Variants in ADGRG2 observed in about 807,000 individuals in gnomAD.
ADGRG2 encodes adhesion G protein-coupled receptor G2, also known as G protein-coupled receptor 64.
ADGRG2 carries 26 observed loss-of-function variants against 74.1 expected under a neutral mutation model. The ratio of observed to expected loss-of-function variants is 0.35; its 90% CI spans 0.26 to 0.49. The LOEUF (loss-of-function observed/expected upper bound fraction) is 0.49. Ranked by LOEUF, ADGRG2 falls within the 20% of genes least tolerant of loss-of-function variation. The pLI is 0.99. For synonymous variants in ADGRG2, 296 were observed against 295.2 expected, an observed-to-expected ratio of 1.00 and a Z score of -0.03; for missense variants, 619 against 763.1, an observed-to-expected ratio of 0.81 and a Z score of 2.22.
chrX:19,114,019 C>T (rs2062463345), intron 1 of ADGRG2, among the ~76,000 whole-genome samples: 1 of 103,685 alleles, frequency 9.6e-6, no homozygotes, highest in South Asian at 4.5e-4. Flanking sequence ...TTGCAGTGAG[C>T]CGAGATTGCA....
At chrX:19,084,319 G>A (rs1323445540) in intron 1 of ADGRG2, among the ~76,000 whole-genome samples, 2 of 109,664 alleles carry the variant, frequency 1.8e-5, no homozygotes, top group African/African-American at 6.7e-5. Context: ...GGCCTGTCGG[G>A]GAGGGGGTGG....
rs2061952511 is a variant in ADGRG2 at position 19,087,467 on chromosome X, A to T, written c.-46-4721T>A. On this transcript the variant is annotated intron_variant, in intron 1 of 28. Coordinates refer to ENST00000379869, the MANE Select transcript of ADGRG2 (RefSeq NM_001079858.3). ...GGGGAAATGGATCCAGGAAAATCTC[A>T]TCTAGGAAGTAATCATCAGGCTGCA... 3.6e-5 allele frequency among the ~76,000 whole-genome samples: 4 copies of T among 111,889 alleles called. No individual in the cohort carries two copies. In the Admixed American group the frequency reaches 3.8e-4, roughly 11 times the overall value.
chrX:19,091,538 G>A (rs1169326998), intron 1 of ADGRG2, among the ~76,000 whole-genome samples: 3 of 87,457 alleles, frequency 3.4e-5, no homozygotes, highest in Admixed American at 2.5e-4. Context: ...ACACACACAC[G>A]AAAATCTATT....
intron 3 of ADGRG2, among the ~76,000 whole-genome samples, chrX:19,056,022 T>C (rs1335494509): frequency 2.8e-5 from 3 of 109,088 alleles, no homozygotes; most frequent in Admixed American, 9.8e-5. Context: ...GTGTGAGCCA[T>C]TGCACCTGGC....
chrX:19,097,235 G>C (rs1290582886), intron 1 of ADGRG2, among the ~76,000 whole-genome samples: 1 of 113,008 alleles, frequency 8.8e-6, no homozygotes, highest in Non-Finnish European at 1.9e-5. Context: ...TCTTTGGCCA[G>C]GCGTTGTGGC....
intron 6 of ADGRG2, among the ~76,000 whole-genome samples, chrX:19,037,090 G>A (rs2060957617): frequency 8.9e-6 from 1 of 112,189 alleles, no homozygotes; most frequent in Admixed American, 9.5e-5. Context: ...AACACACTGT[G>A]CCTCCAAATC....
chrX:19,006,754 T>A (rs2060241184), intron 20 of ADGRG2, among the ~76,000 whole-genome samples: 1 of 67,350 alleles, frequency 1.5e-5, no homozygotes. Context: ...AGGTGGTCAA[T>A]TTTTTTTTTT....
chrX:19,103,911 G>A (rs185759064), intron 1 of ADGRG2, among the ~76,000 whole-genome samples: 1 of 111,494 alleles, frequency 9.0e-6, no homozygotes, highest in African/African-American at 3.3e-5. Context: ...ACAAGGTCTT[G>A]AGGGGAAAAG....
intron 18 of ADGRG2, among the ~76,000 whole-genome samples, chrX:19,008,412 T>A (rs2060281183): frequency 9.0e-6 from 1 of 111,357 alleles, no homozygotes; most frequent in African/African-American, 3.3e-5. Flanking sequence ...ACACCTGTAA[T>A]CCCAACACTT....
chrX:19,034,515 G>A (rs1476811013), intron 7 of ADGRG2: 1 of 111,870 alleles, frequency 8.9e-6, no homozygotes, highest in Non-Finnish European at 1.9e-5. Flanking sequence ...TGTTATCCTG[G>A]CAGAAACTCA....
chrX:19,054,401 G>T (rs998649579), intron 3 of ADGRG2, among the ~76,000 whole-genome samples: 1 of 111,756 alleles, frequency 8.9e-6, no homozygotes, highest in African/African-American at 3.3e-5. Context: ...TCTCCCTAGG[G>T]GTCACAGGCT....
rs1320433106 is a variant in ADGRG2, at chrX:19,051,060, C to A, written c.119-10836G>T. Among the ~76,000 whole-genome samples the A allele has an allele frequency of 3.6e-5, 4 of 112,013 alleles. No individual in the cohort carries two copies. In the East Asian group the frequency reaches 1.1e-3, roughly 32 times the overall value. ...TGTCCCCCACCTCCTGGTTCCATGTCGCACATGGTGCCCATGACACTCTTT... is the reference window on the plus strand; with the variant it reads ...TGTCCCCCACCTCCTGGTTCCATGTAGCACATGGTGCCCATGACACTCTTT... On this transcript the variant is annotated intron_variant, in intron 3 of 28. Coordinates refer to ENST00000379869, the MANE Select transcript of ADGRG2 (RefSeq NM_001079858.3).
At chrX:19,049,512 C>T (rs753520702) in intron 3 of ADGRG2, among the ~76,000 whole-genome samples, 3 of 104,233 alleles carry the variant, frequency 2.9e-5, no homozygotes, top group East Asian at 5.9e-4. Flanking sequence ...GGGATGATAG[C>T]GCCTCCACTG....
chrX:19,049,439 T>TG (rs1569105139), intron 3 of ADGRG2, among the ~76,000 whole-genome samples: 48 of 85,922 alleles, frequency 5.6e-4, no homozygotes, highest in African/African-American at 2.5e-3. Flanking sequence ...GTTTTTTGTG[T>TG]TTTTTTTTTT....
At position 18,990,732 on chromosome X, in the gene ADGRG2, A is replaced by T. The variant is rs756728778; in HGVS notation, c.*132T>A. On this transcript the variant is annotated 3_prime_UTR_variant, in exon 29 of 29. Coordinates refer to ENST00000379869, the MANE Select transcript of ADGRG2 (RefSeq NM_001079858.3). ...TCTTGTAATAATAATCATCGCCCTT[A>T]ATTAGCTTATGCTTCTCCAGATGTT... 2.3e-6 allele frequency: 1 copy of T among 440,004 alleles called. No homozygotes were observed. Among genetic ancestry groups the T allele is most frequent in the East Asian group, 3.8e-5 (1 of 26,291 alleles). The allele number at this position is 440,004 out of a possible 1,213,427, so 36.3% of individuals were successfully genotyped here. A position where few individuals can be genotyped will look rare whatever the true frequency, so the allele number is the denominator to read the frequency against.
chrX:19,014,586 G>A (rs1484963627), intron 15 of ADGRG2, among the ~76,000 whole-genome samples: 1 of 111,829 alleles, frequency 8.9e-6, no homozygotes, highest in African/African-American at 3.2e-5. Context: ...GTGTCTTCAA[G>A]GTTCCTTTAG....
chrX:19,073,611 TC>T (rs1222936198), intron 2 of ADGRG2, among the ~76,000 whole-genome samples: 1 of 111,830 alleles, frequency 8.9e-6, no homozygotes, highest in African/African-American at 3.2e-5. Flanking sequence ...GAAATATATA[TC>T]ATCAGTGCAA....
intron 3 of ADGRG2, among the ~76,000 whole-genome samples, chrX:19,043,090 G>A (rs893205776): frequency 2.7e-5 from 3 of 111,271 alleles, no homozygotes; most frequent in Non-Finnish European, 5.7e-5. Context: ...GAAAGACAGC[G>A]GTCTACTTTG....
At chrX:19,098,499 A>AT (rs1020894002) in intron 1 of ADGRG2, among the ~76,000 whole-genome samples, 3 of 112,004 alleles carry the variant, frequency 2.7e-5, no homozygotes, top group Non-Finnish European at 5.6e-5. Context: ...ATAAAGATAC[A>AT]TTTTTTTAAA....
Sources: allele counts gnomAD v4.1 joint callset (sites outside exome capture counted in the v4.1 genomes callset), GRCh38; gene constraint gnomAD v4.1.1; transcripts MANE v1.5; gene names NCBI Gene and HGNC (gene_info 2026-07-23, HGNC 2026-07-21).